Variants in TNFRSF10B observed in about 807,000 individuals in gnomAD.
TNFRSF10B encodes tumor necrosis factor receptor superfamily member 10B.
TNFRSF10B carries 35 observed loss-of-function variants against 41.4 expected under a neutral mutation model. The ratio of observed to expected loss-of-function variants is 0.85; its 90% CI spans 0.65 to 1.12. The LOEUF (loss-of-function observed/expected upper bound fraction) is 1.12, where lower values mean the gene tolerates loss of function less well. Among genes scored for constraint, TNFRSF10B ranks in the 50% most tolerant of loss-of-function variants. The pLI is 0.00. For missense variants in TNFRSF10B, 584 were observed against 552.7 expected (o/e 1.06, Z -0.57); for synonymous variants, 230 against 215.5 (o/e 1.07, Z -0.59).
chr8:23,042,282 T>C (rs559718937), intron 2 of TNFRSF10B, among the ~76,000 whole-genome samples: 1 of 152,348 alleles, frequency 6.6e-6, no homozygotes, highest in Non-Finnish European at 1.5e-5. Context: ...CAGGCAAGCC[T>C]TTCCTGTGGC....
chr8:23,051,605 C>T (rs747082836), intron 1 of TNFRSF10B, among the ~76,000 whole-genome samples: 45 of 150,880 alleles, frequency 3.0e-4, no homozygotes, highest in Non-Finnish European at 4.9e-4. Context: ...AATGCAGTGG[C>T]GCGATCTCGG....
intron 2 of TNFRSF10B, among the ~76,000 whole-genome samples, chr8:23,032,292 C>T (rs1228488868): frequency 6.6e-6 from 1 of 152,102 alleles, no homozygotes; most frequent in Non-Finnish European, 1.5e-5. Flanking sequence ...GGAAGATACA[C>T]CAGGAGCAGA....
intron 1 of TNFRSF10B, among the ~76,000 whole-genome samples, chr8:23,052,887 C>T (rs1242579396): frequency 1.3e-5 from 2 of 152,022 alleles, no homozygotes; most frequent in African/African-American, 2.4e-5. Flanking sequence ...AGCCATGTCC[C>T]CTAGCTATGC....
rs369755757 is a variant in TNFRSF10B at position 23,068,739 on chromosome 8, G to A, written c.144+12C>T. ...CGCTCTTCCCCAGCCAGGGACCGCG[G>A]CGGGGACTCACCAACAGCAGGACCG... On this transcript the variant is annotated intron_variant, in intron 1 of 8. Transcript: ENST00000276431. 16 of 1,567,984 alleles carry A rather than the reference G, an allele frequency of 1.0e-5. No individual in the cohort carries two copies. The highest frequency in any genetic ancestry group is 1.4e-5 in the African/African-American group (1 of 74,032).
At chr8:23,035,157 A>G (rs905623441) in intron 2 of TNFRSF10B, among the ~76,000 whole-genome samples, 2 of 150,066 alleles carry the variant, frequency 1.3e-5, no homozygotes, top group Non-Finnish European at 3.0e-5. Context: ...TTTTTTTTTT[A>G]ATTAAACAGA....
In TNFRSF10B at chr8:23,068,904, G is replaced by T. The variant is rs1261131739; in HGVS notation, c.-10C>A. The T allele has an allele frequency of 6.2e-7, 1 of 1,613,284 alleles. No individual in the cohort carries two copies. Among genetic ancestry groups the T allele is most frequent in the African/African-American group, 1.3e-5 (1 of 74,938 alleles). On this transcript the variant is annotated 5_prime_UTR_variant, in exon 1 of 9. Transcript: ENST00000276431. The stretch of plus-strand genomic sequence containing the variant: ...GTCCCCGTTGTTCCATGGCGGTAGG[G>T]AACGCTCTTATAGTCTCTCAGGCCC...
chr8:23,049,795 C>T (rs532660280), intron 1 of TNFRSF10B: 4 of 152,294 alleles, frequency 2.6e-5, no homozygotes, highest in African/African-American at 9.6e-5. Context: ...CATTATTGGG[C>T]AGCGAGATTC....
chr8:23,061,084 A>C (rs1465826861), intron 1 of TNFRSF10B, among the ~76,000 whole-genome samples: 1 of 152,198 alleles, frequency 6.6e-6, no homozygotes, highest in African/African-American at 2.4e-5. Context: ...AAAACTTAAG[A>C]CATCCTGATA....
intron 1 of TNFRSF10B, among the ~76,000 whole-genome samples, chr8:23,043,952 A>G (rs1393463035): frequency 6.6e-6 from 1 of 152,250 alleles, no homozygotes; most frequent in Admixed American, 6.5e-5. Context: ...AGCATGTTAC[A>G]TAATTGCATG....
intron 1 of TNFRSF10B, chr8:23,049,787 T>C (rs1379650789): frequency 2.0e-5 from 3 of 152,200 alleles, no homozygotes; most frequent in Non-Finnish European, 2.9e-5. Context: ...CTGCATCTCA[T>C]TATTGGGCAG....
At chr8:23,063,811 G>A (rs1037433955) in intron 1 of TNFRSF10B, among the ~76,000 whole-genome samples, 6 of 152,286 alleles carry the variant, frequency 3.9e-5, no homozygotes, top group East Asian at 1.9e-4. Flanking sequence ...GGATGTCCCC[G>A]GGGAAAACTT....
At position 23,020,181 on chromosome 8, in the gene TNFRSF10B, A is replaced by G. The variant is rs987402985; in HGVS notation, c.*2490T>C. The G allele has an allele frequency of 4.9e-5, 21 of 428,172 alleles. No individual in the cohort carries two copies. The highest frequency in any genetic ancestry group is 2.5e-4 in the Admixed American group (10 of 39,222). The allele number at this position is 428,172 out of a possible 1,614,324, so 26.5% of individuals were successfully genotyped here. Reference sequence around the variant, plus strand: ...AATTTGGTCATGGATTCATAAATACATAAGTATTTTGTACACAATGTGCTT... The same window carrying G: ...AATTTGGTCATGGATTCATAAATACGTAAGTATTTTGTACACAATGTGCTT... On this transcript the variant is annotated 3_prime_UTR_variant, in exon 9 of 9. Coordinates refer to ENST00000276431, the MANE Select transcript of TNFRSF10B (RefSeq NM_003842.5).
At chr8:23,047,857 T>C (rs977898252) in intron 1 of TNFRSF10B, among the ~76,000 whole-genome samples, 1 of 152,234 alleles carries the variant, frequency 6.6e-6, no homozygotes, top group East Asian at 1.9e-4. Flanking sequence ...CTTCTGGGTA[T>C]TTACCAAAAA....
chr8:23,067,620 A>G (rs951495082), intron 1 of TNFRSF10B, among the ~76,000 whole-genome samples: 1 of 151,988 alleles, frequency 6.6e-6, no homozygotes, highest in Non-Finnish European at 1.5e-5. Flanking sequence ...GCCCCTGTAC[A>G]CTCTCCTCAC....
intron 1 of TNFRSF10B, among the ~76,000 whole-genome samples, chr8:23,047,201 T>C (rs990464243): frequency 6.6e-6 from 1 of 151,870 alleles, no homozygotes; most frequent in Non-Finnish European, 1.5e-5. Flanking sequence ...CTACTAAAAA[T>C]ACAAAATTAG....
At chr8:23,068,281 C>CTTT (rs1813058902) in intron 1 of TNFRSF10B, 1 of 178,226 alleles carries the variant, frequency 5.6e-6, no homozygotes. Context: ...TCGCCGGCCG[C>CTTT]AGGTTCAAAG....
At position 23,027,073 on chromosome 8, in the gene TNFRSF10B, G is replaced by A. The variant is rs112301445; in HGVS notation, c.936+60C>T. 6.2e-6 allele frequency: 10 copies of A among 1,611,630 alleles called. 1 individual carries two copies. The highest frequency in any genetic ancestry group is 4.0e-5 in the African/African-American group (3 of 74,874). ...AGCTAAGGCACTGCCCTCTCCCACT[G>A]TCTACGAAATCCCAGGTGAGCAGCA... On this transcript the variant is annotated intron_variant, in intron 7 of 8. Transcript: ENST00000276431.
chr8:23,067,915 T>C (rs982333197), intron 1 of TNFRSF10B, among the ~76,000 whole-genome samples: 5 of 152,266 alleles, frequency 3.3e-5, no homozygotes, highest in African/African-American at 1.2e-4. Flanking sequence ...ATTCAGAACC[T>C]CTCCTGGCCC....
At position 23,022,226 on chromosome 8, in the gene TNFRSF10B, C is replaced by T; in HGVS notation, c.*445G>A. On this transcript the variant is annotated 3_prime_UTR_variant, in exon 9 of 9. Coordinates refer to ENST00000276431, the MANE Select transcript of TNFRSF10B (RefSeq NM_003842.5). ...AGTGAGCCAAGATTGCACCATTGCA[C>T]TCCAGCCTGGGAGACAGAGTGAACT... The T allele has an allele frequency of 2.2e-6, 1 of 453,100 alleles. No homozygotes were observed. 28.1% of individuals were successfully genotyped at this position (453,100 alleles called of 1,614,324 possible).
Sources: gnomAD v4.1 joint callset for allele counts (sites outside exome capture counted in the v4.1 genomes callset) on GRCh38, gnomAD v4.1.1 for gene constraint, MANE v1.5 for transcripts, NCBI Gene and HGNC (gene_info 2026-07-23, HGNC 2026-07-21) for gene names.